PRELID2: variants seen among roughly 807,000 people sequenced by gnomAD.
The protein encoded by PRELID2 is PRELI domain containing 2.
A neutral mutation model predicts 28.4 loss-of-function variants in PRELID2; 25 were observed. That is an observed-to-expected ratio of 0.88 (90% CI 0.64 to 1.23). The LOEUF (loss-of-function observed/expected upper bound fraction) is 1.23. Among genes scored for constraint, PRELID2 ranks in the 50% most tolerant of loss-of-function variants. The pLI, the probability that PRELID2 is intolerant of heterozygous loss-of-function variation, is 0.00. For synonymous variants in PRELID2, 76 were observed against 71.6 expected (o/e 1.06, Z -0.31); for missense variants, 201 against 214.4 (o/e 0.94, Z 0.39).
the PRELID2 span, among the ~76,000 whole-genome samples, chr5:145,396,634 T>C: frequency 1.3e-5 from 2 of 152,140 alleles, no homozygotes; most frequent in Non-Finnish European, 2.9e-5. Flanking sequence ...TACTTAAACC[T>C]TAATAGATAA....
chr5:145,520,355 T>A (rs1163101702), intron 1 of PRELID2, among the ~76,000 whole-genome samples: 1 of 152,090 alleles, frequency 6.6e-6, no homozygotes, highest in Non-Finnish European at 1.5e-5. Context: ...AACAAAGAGG[T>A]AACAATGACA....
chr5:145,604,774 T>C (rs894521784), intron 1 of PRELID2, among the ~76,000 whole-genome samples: 9 of 146,526 alleles, frequency 6.1e-5, no homozygotes, highest in Admixed American at 1.4e-4. Flanking sequence ...TTTTTTACTT[T>C]TTAGTAAAAG....
At chr5:145,679,765 C>T (rs1395912085) in intron 1 of PRELID2, among the ~76,000 whole-genome samples, 7 of 150,248 alleles carry the variant, frequency 4.7e-5, no homozygotes, top group African/African-American at 1.7e-4. Flanking sequence ...GAAGGCTGAC[C>T]CAAGGCTTGA....
chr5:145,805,841 T>C (rs999717657), intron 4 of PRELID2, among the ~76,000 whole-genome samples: 2 of 152,228 alleles, frequency 1.3e-5, no homozygotes, highest in African/African-American at 4.8e-5. Flanking sequence ...CTATACCGCA[T>C]ACTGTATGCA....
At chr5:145,535,326 G>A (rs529405060) in intron 1 of PRELID2, among the ~76,000 whole-genome samples, 8 of 151,846 alleles carry the variant, frequency 5.3e-5, no homozygotes, top group African/African-American at 9.6e-5. Flanking sequence ...GTAGCCCAGC[G>A]AGTTTAAGTG....
At chr5:145,230,875 C>T in the PRELID2 span, among the ~76,000 whole-genome samples, 5 of 152,138 alleles carry the variant, frequency 3.3e-5, no homozygotes, top group South Asian at 4.1e-4. Context: ...GGTGGCAGGC[C>T]GCAGTTTCTT....
chr5:145,515,749 C>G (rs1236477636), intron 1 of PRELID2, among the ~76,000 whole-genome samples: 4 of 152,174 alleles, frequency 2.6e-5, no homozygotes, highest in Admixed American at 2.0e-4. Flanking sequence ...CAATAAAATA[C>G]TGGGAAACCG....
In PRELID2 at chr5:145,537,045, T is replaced by G. The variant is rs1752705672; in HGVS notation, n.71-63730A>C. ...GAAAACTGATAAAACAAAGAGAAGT[T>G]TAAAAATTTTAAATCAACTAGAATC... On this transcript the variant is annotated intron_variant and non_coding_transcript_variant, in intron 1 of 2. Transcript: ENST00000510259. 2.0e-5 allele frequency among the ~76,000 whole-genome samples: 3 copies of G among 151,894 alleles called. No individual in the cohort carries two copies. In the South Asian group the frequency reaches 6.2e-4, roughly 31 times the overall value.
At chr5:145,460,644 T>C in the PRELID2 span, among the ~76,000 whole-genome samples, 4 of 152,182 alleles carry the variant, frequency 2.6e-5, no homozygotes, top group African/African-American at 9.7e-5. Context: ...TTCTTTAATC[T>C]TCACAAAAAA....
At chr5:145,407,738 C>T in the PRELID2 span, among the ~76,000 whole-genome samples, 1 of 152,120 alleles carries the variant, frequency 6.6e-6, no homozygotes, top group Admixed American at 6.5e-5. Flanking sequence ...CAACTCTGCT[C>T]CAACAAAGGA....
chr5:145,296,958 T>C, the PRELID2 span, among the ~76,000 whole-genome samples: 4 of 152,236 alleles, frequency 2.6e-5, no homozygotes, highest in African/African-American at 4.8e-5. Flanking sequence ...GTGAGCATTT[T>C]TTCATGTGTT....
chr5:145,721,938 C>G (rs982557249), intron 1 of PRELID2, among the ~76,000 whole-genome samples: 1 of 152,028 alleles, frequency 6.6e-6, no homozygotes, highest in Non-Finnish European at 1.5e-5. Context: ...AATAACAGAG[C>G]AACCACCTGC....
At chr5:145,723,228 C>T (rs1380772867) in intron 1 of PRELID2, among the ~76,000 whole-genome samples, 1 of 152,064 alleles carries the variant, frequency 6.6e-6, no homozygotes, top group African/African-American at 2.4e-5. Flanking sequence ...TGCAATGTAT[C>T]ATAAATATAA....
the PRELID2 span, among the ~76,000 whole-genome samples, chr5:145,419,031 C>A: frequency 6.6e-6 from 1 of 150,800 alleles, no homozygotes; most frequent in Non-Finnish European, 1.5e-5. Flanking sequence ...TTTCCAATTT[C>A]ATCCATGTCC....
rs141149840 is a variant in PRELID2, at chr5:145,655,803, G to T, written n.70+109128C>A. ...ACCTAAAACCATAAAAACCCTAGAA[G>T]AAAACCTAAGCAATACCATTCAGAA... On this transcript the variant is annotated intron_variant and non_coding_transcript_variant, in intron 1 of 2. Coordinates refer to the PRELID2 transcript ENST00000510259. Among the ~76,000 whole-genome samples the T allele has an allele frequency of 8.3e-3, 1,264 of 152,270 alleles. 25 individuals carry two copies. Among genetic ancestry groups the T allele is most frequent in the African/African-American group, 0.029 (1,212 of 41,542 alleles).
chr5:145,773,271 G>GAA (rs10673395), intron 5 of PRELID2, among the ~76,000 whole-genome samples: 3,968 of 152,234 alleles, frequency 0.026, 169 homozygotes, highest in African/African-American at 0.09. Context: ...TCAAATAACA[G>GAA]AATGAAAGAT....
chr5:145,309,894 A>G, the PRELID2 span, among the ~76,000 whole-genome samples: 1 of 152,166 alleles, frequency 6.6e-6, no homozygotes, highest in Non-Finnish European at 1.5e-5. Flanking sequence ...AGCTTACCTA[A>G]AGTGATAGGC....
the PRELID2 span, among the ~76,000 whole-genome samples, chr5:145,252,475 C>T: frequency 6.6e-6 from 1 of 152,084 alleles, no homozygotes; most frequent in Non-Finnish European, 1.5e-5. Flanking sequence ...AAAAATTCTT[C>T]ATCCTAGGTT....
the PRELID2 span, among the ~76,000 whole-genome samples, chr5:145,408,410 TATATATATGTATAATATATATGTATAAC>T: frequency 2.0e-3 from 282 of 138,218 alleles, no homozygotes; most frequent in Non-Finnish European, 3.8e-3. Context: ...TATATATATA[TATATATATGTATAATATATATGTATAAC>T]ATATATATGT....
Sources: allele counts gnomAD v4.1 joint callset (sites outside exome capture counted in the v4.1 genomes callset), GRCh38; gene constraint gnomAD v4.1.1; transcripts MANE v1.5; gene names NCBI Gene and HGNC (gene_info 2026-07-23, HGNC 2026-07-21).